The following CDH4 variants were observed in gnomAD, a reference collection of about 807,000 sequenced individuals.
CDH4 encodes cadherin 4, also known as cadherin-4.
Under a neutral mutation model 86.0 loss-of-function variants are expected in CDH4, and 33 were observed. The ratio of observed to expected loss-of-function variants is 0.38; its 90% CI spans 0.29 to 0.51. CDH4 has a LOEUF of 0.51. Ranked by LOEUF, CDH4 falls within the 20% of genes least tolerant of loss-of-function variation. The probability of loss-of-function intolerance (pLI) is 0.86; values close to 1 mark genes in which losing one functional copy is unlikely to be tolerated. For synonymous variants in CDH4, 555 were observed against 549.4 expected, an observed-to-expected ratio of 1.01 and a Z score of -0.14; for missense variants, 1,114 against 1,307.4, an observed-to-expected ratio of 0.85 and a Z score of 2.28.
intron 2 of CDH4, among the ~76,000 whole-genome samples, chr20:61,522,078 T>C (rs1249126852): frequency 1.3e-5 from 2 of 152,192 alleles, no homozygotes; most frequent in African/African-American, 2.4e-5. Flanking sequence ...CTCTCAGAGA[T>C]TCGCAGGCCT....
chr20:61,819,362 T>C (rs1019482822), intron 4 of CDH4, among the ~76,000 whole-genome samples: 32 of 152,368 alleles, frequency 2.1e-4, no homozygotes, highest in Non-Finnish European at 4.6e-4. Flanking sequence ...TCCAGATGCA[T>C]GAGCACGCGT....
Position 61,481,433 on chromosome 20 carries a change from G to C in CDH4, c.169+226496G>C, listed in dbSNP as rs145310938. On this transcript the variant is annotated intron_variant, in intron 2 of 15. Transcript: ENST00000614565. ...ATTGCAAATAAAATCTCAGCGTAGG[G>C]CATGATTGTGCCTTGCTGTTACAGC... Among the ~76,000 whole-genome samples, 469 of 152,320 alleles carry C rather than the reference G, an allele frequency of 3.1e-3. 4 individuals carry two copies. Among genetic ancestry groups the C allele is most frequent in the African/African-American group, 0.011 (440 of 41,566 alleles).
At chr20:61,673,001 C>T (rs762447611) in intron 2 of CDH4, among the ~76,000 whole-genome samples, 5 of 151,956 alleles carry the variant, frequency 3.3e-5, no homozygotes, top group South Asian at 2.1e-4. Flanking sequence ...AAGAAAGAGA[C>T]GCAGAGAGAA....
rs117575256 is a variant in CDH4, at chr20:61,486,394, C to T, written c.169+231457C>T. ...ACAGTCCCAGGACAGGTCCTGTGTCCCCGTGGGGCCCTACCCTGTTCCTCT... is the reference window on the plus strand; with the variant it reads ...ACAGTCCCAGGACAGGTCCTGTGTCTCCGTGGGGCCCTACCCTGTTCCTCT... On this transcript the variant is annotated intron_variant, in intron 2 of 15. Coordinates refer to ENST00000614565, the MANE Select transcript of CDH4 (RefSeq NM_001794.5). 1.4e-3 allele frequency among the ~76,000 whole-genome samples: 214 copies of T among 152,308 alleles called. 5 individuals are homozygous for T. The East Asian group carries it at 0.03, about 22-fold the overall frequency.
chr20:61,750,778 G>T (rs558605014), intron 3 of CDH4, among the ~76,000 whole-genome samples: 1 of 152,366 alleles, frequency 6.6e-6, no homozygotes, highest in Non-Finnish European at 1.5e-5. Flanking sequence ...ACTGGGACTC[G>T]TGAGTAAGGT....
chr20:61,773,561 C>T (rs1005408913), intron 4 of CDH4, among the ~76,000 whole-genome samples: 1 of 152,126 alleles, frequency 6.6e-6, no homozygotes, highest in Non-Finnish European at 1.5e-5. Context: ...CCATGACGAT[C>T]CCTGCGCCGA....
At chr20:61,275,659 C>A (rs565041036) in intron 2 of CDH4, among the ~76,000 whole-genome samples, 1 of 52,690 alleles carries the variant, frequency 1.9e-5, no homozygotes, top group Non-Finnish European at 3.6e-5. Context: ...GAGTACCATG[C>A]GCAGTTTGGG....
chr20:61,465,362 G>T (rs1368089703), intron 2 of CDH4, among the ~76,000 whole-genome samples: 2 of 150,662 alleles, frequency 1.3e-5, no homozygotes, highest in Non-Finnish European at 2.9e-5. Context: ...TTGAACCTGG[G>T]ATTTTTTTTT....
chr20:61,809,139 T>C (rs1333904056), intron 4 of CDH4, among the ~76,000 whole-genome samples: 1 of 152,154 alleles, frequency 6.6e-6, no homozygotes, highest in Non-Finnish European at 1.5e-5. Context: ...TGGGAATTAA[T>C]CTATATGTGA....
At chr20:61,387,475 T>C in intron 2 of CDH4, among the ~76,000 whole-genome samples, 1 of 146,402 alleles carries the variant, frequency 6.8e-6, no homozygotes, top group African/African-American at 2.6e-5. Context: ...TATACATACA[T>C]ATACACACAC....
chr20:61,473,898 T>G (rs2085520157), intron 2 of CDH4, among the ~76,000 whole-genome samples: 1 of 152,136 alleles, frequency 6.6e-6, no homozygotes, highest in Non-Finnish European at 1.5e-5. Flanking sequence ...GTGATTTTGG[T>G]GATCAGCTGT....
chr20:61,747,559 G>T (rs1361517678), intron 3 of CDH4, among the ~76,000 whole-genome samples: 2 of 152,046 alleles, frequency 1.3e-5, no homozygotes, highest in African/African-American at 4.8e-5. Flanking sequence ...GACTTTGAGA[G>T]ATAATTAGAA....
At chr20:61,605,884 A>AG (rs1478465311) in intron 2 of CDH4, among the ~76,000 whole-genome samples, 1 of 107,870 alleles carries the variant, frequency 9.3e-6, no homozygotes, top group Non-Finnish European at 1.7e-5. Context: ...AAGGCTGTGG[A>AG]GGAAAAAAAA....
At chr20:61,652,938 A>ATTTATTTATTTTTTTTTTTTTT (rs1555819716) in intron 2 of CDH4, among the ~76,000 whole-genome samples, 1 of 97,398 alleles carries the variant, frequency 1.0e-5, no homozygotes, top group Non-Finnish European at 2.4e-5. Flanking sequence ...TTATTTATTT[A>ATTTATTTATTTTTTTTTTTTTT]TTTTTTTTTT....
chr20:61,740,080 A>G (rs2088315467), intron 2 of CDH4, among the ~76,000 whole-genome samples: 1 of 152,230 alleles, frequency 6.6e-6, no homozygotes, highest in African/African-American at 2.4e-5. Context: ...AAAGGAAGCA[A>G]AAGGAAGGAA....
intron 2 of CDH4, among the ~76,000 whole-genome samples, chr20:61,731,069 G>A (rs1033591457): frequency 6.6e-6 from 1 of 152,186 alleles, no homozygotes; most frequent in East Asian, 1.9e-4. Flanking sequence ...CTGGGGTCTG[G>A]AGTTCAGGAG....
intron 2 of CDH4, among the ~76,000 whole-genome samples, chr20:61,581,438 C>T (rs377137181): frequency 1.3e-5 from 2 of 152,144 alleles, no homozygotes; most frequent in East Asian, 3.9e-4. Context: ...CTTCTGGAGA[C>T]GTGTTCCTGG....
At chr20:61,533,780 A>G (rs1216884030) in intron 2 of CDH4, among the ~76,000 whole-genome samples, 1 of 152,238 alleles carries the variant, frequency 6.6e-6, no homozygotes, top group Non-Finnish European at 1.5e-5. Flanking sequence ...CAGACCTCGC[A>G]TATATGGAGC....
intron 6 of CDH4, among the ~76,000 whole-genome samples, chr20:61,861,472 G>A (rs1021522531): frequency 6.6e-6 from 1 of 152,190 alleles, no homozygotes; most frequent in South Asian, 2.1e-4. Flanking sequence ...GCAAGACTTA[G>A]AGGCCAATGG....
Sources: gnomAD v4.1 joint callset for allele counts (sites outside exome capture counted in the v4.1 genomes callset) on GRCh38, gnomAD v4.1.1 for gene constraint, MANE v1.5 for transcripts, NCBI Gene and HGNC (gene_info 2026-07-23, HGNC 2026-07-21) for gene names.